SPRY3: variants seen among roughly 807,000 people sequenced by gnomAD.
SPRY3 encodes sprouty RTK signaling antagonist 3, also known as protein sprouty homolog 3.
Under a neutral mutation model 20.2 loss-of-function variants are expected in SPRY3, and 15 were observed. The ratio of observed to expected loss-of-function variants is 0.74; its 90% confidence interval spans 0.50 to 1.14. The LOEUF (loss-of-function observed/expected upper bound fraction) is 1.14. SPRY3 is among the 50% of genes most tolerant of loss of function. The probability of loss-of-function intolerance (pLI) is 0.00; values close to 1 mark genes in which losing one functional copy is unlikely to be tolerated. For synonymous variants in SPRY3, 143 were observed against 136.5 expected (o/e 1.05, Z -0.33); for missense variants, 364 against 363.9 (o/e 1.00, Z 0.00).
chrX:155,782,398 C>T (rs2275239), exon 2 of SPRY3: 1 of 166,812 alleles, frequency 6.0e-6, no homozygotes, highest in Non-Finnish European at 1.5e-5. Flanking sequence ...CTTCTACCCC[C>T]CTAGGAGTCA....
intron 2 of SPRY3, among the ~76,000 whole-genome samples, chrX:155,737,665 A>T (rs778266699): frequency 6.6e-6 from 1 of 152,288 alleles, no homozygotes; most frequent in South Asian, 2.1e-4. Flanking sequence ...AAACTGAAGA[A>T]GTTCACTGTG....
At chrX:155,729,751 A>G (rs2091121397) in intron 2 of SPRY3, among the ~76,000 whole-genome samples, 1 of 151,970 alleles carries the variant, frequency 6.6e-6, no homozygotes, top group South Asian at 2.1e-4. Flanking sequence ...AATAGAAAAT[A>G]CCAAAAAAAG....
At chrX:155,625,976 G>C (rs1260244037) in intron 1 of SPRY3, among the ~76,000 whole-genome samples, 10 of 111,049 alleles carry the variant, frequency 9.0e-5, no homozygotes, top group African/African-American at 3.3e-4. Context: ...CATTTGTGTT[G>C]TTTCTACTTT....
chrX:155,614,602 A>G (rs782214851), intron 1 of SPRY3, among the ~76,000 whole-genome samples: 63 of 111,664 alleles, frequency 5.6e-4, no homozygotes, highest in Non-Finnish European at 1.0e-3. Flanking sequence ...AGGTTAAGCA[A>G]TTTTCACCAG....
At chrX:155,723,060 G>A (rs1046780121) in intron 2 of SPRY3, among the ~76,000 whole-genome samples, 1 of 150,724 alleles carries the variant, frequency 6.6e-6, no homozygotes, top group African/African-American at 2.4e-5. Context: ...GTGATACTTT[G>A]CTCAGAATGA....
intron 2 of SPRY3, among the ~76,000 whole-genome samples, chrX:155,733,622 C>T (rs1362280843): frequency 6.6e-6 from 1 of 152,000 alleles, no homozygotes; most frequent in East Asian, 1.9e-4. Flanking sequence ...TCACCAGCTG[C>T]ATTAGCCCTT....
chrX:155,709,298 A>C (rs2090971153), intron 2 of SPRY3, among the ~76,000 whole-genome samples: 1 of 151,656 alleles, frequency 6.6e-6, no homozygotes, highest in South Asian at 2.1e-4. Flanking sequence ...CAATGTATAA[A>C]GGTTCCCTTT....
chrX:155,669,600 A>C (rs1469204342), intron 2 of SPRY3, among the ~76,000 whole-genome samples: 1 of 111,658 alleles, frequency 9.0e-6, no homozygotes, highest in African/African-American at 3.2e-5. Context: ...ATGTATTATA[A>C]AATAAGCTAT....
intron 2 of SPRY3, among the ~76,000 whole-genome samples, chrX:155,704,422 A>G (rs1003574712): frequency 6.6e-6 from 1 of 151,836 alleles, no homozygotes; most frequent in Non-Finnish European, 1.5e-5. Flanking sequence ...GACAAAATCC[A>G]TAGACCTTAA....
intron 2 of SPRY3, among the ~76,000 whole-genome samples, chrX:155,697,522 C>CACACACAT (rs750002413): frequency 0.041 from 4,100 of 99,173 alleles, 107 homozygotes; most frequent in African/African-American, 0.072. Context: ...CACACACACA[C>CACACACAT]ATATATATAT....
At chrX:155,642,653 T>G (rs1557351539) in intron 1 of SPRY3, among the ~76,000 whole-genome samples, 1 of 111,626 alleles carries the variant, frequency 9.0e-6, no homozygotes, top group African/African-American at 3.3e-5. Flanking sequence ...TACTGTATCT[T>G]ATAGGTTTTA....
intron 2 of SPRY3, among the ~76,000 whole-genome samples, chrX:155,749,407 G>C (rs2091247548): frequency 6.6e-6 from 1 of 151,798 alleles, no homozygotes. Flanking sequence ...GTGTGTCTGT[G>C]TATGCATGTA....
At chrX:155,773,376 T>C (rs1181203435) in intron 3 of SPRY3, among the ~76,000 whole-genome samples, 3 of 149,206 alleles carry the variant, frequency 2.0e-5, no homozygotes, top group African/African-American at 7.3e-5. Context: ...TGAGGCTTTC[T>C]CTTTTCCTTC....
chrX:155,747,175 T>C (rs1281236755), intron 2 of SPRY3, among the ~76,000 whole-genome samples: 1 of 151,916 alleles, frequency 6.6e-6, no homozygotes, highest in African/African-American at 2.4e-5. Context: ...CACATAATTA[T>C]AGAATTCTGC....
At chrX:155,732,474 T>C (rs1174194175) in intron 2 of SPRY3, among the ~76,000 whole-genome samples, 1 of 152,002 alleles carries the variant, frequency 6.6e-6, no homozygotes, top group African/African-American at 2.4e-5. Context: ...CCAGTTAAAA[T>C]TGATTTTATC....
chrX:155,630,755 T>C (rs1156678468), intron 1 of SPRY3, among the ~76,000 whole-genome samples: 1 of 111,175 alleles, frequency 9.0e-6, no homozygotes, highest in African/African-American at 3.3e-5. Context: ...CCTGGAGATT[T>C]ATATCTTTCT....
At chrX:155,686,297 T>C (rs2068087841) in intron 2 of SPRY3, among the ~76,000 whole-genome samples, 1 of 111,901 alleles carries the variant, frequency 8.9e-6, no homozygotes, top group Non-Finnish European at 1.9e-5. Flanking sequence ...ATTTTCATGC[T>C]TCTTTGTACG....
intron 2 of SPRY3, among the ~76,000 whole-genome samples, chrX:155,734,742 C>G (rs1476819137): frequency 6.6e-6 from 1 of 151,892 alleles, no homozygotes; most frequent in Non-Finnish European, 1.5e-5. Context: ...TTTCTATCTT[C>G]TTTTTTTCTT....
chrX:155,682,711 A>T (rs2068077316), intron 2 of SPRY3, among the ~76,000 whole-genome samples: 1 of 110,487 alleles, frequency 9.1e-6, no homozygotes, highest in African/African-American at 3.3e-5. Context: ...TTGTAAAGAT[A>T]GGGCCTTACT....
Sources: allele counts gnomAD v4.1 joint callset (sites outside exome capture counted in the v4.1 genomes callset), GRCh38; gene constraint gnomAD v4.1.1; transcripts MANE v1.5; gene names NCBI Gene and HGNC (gene_info 2026-07-23, HGNC 2026-07-21).